Variants in IGSF3 observed in about 807,000 individuals in gnomAD.
IGSF3 encodes immunoglobulin superfamily member 3.
A neutral mutation model predicts 114.4 loss-of-function variants in IGSF3; 23 were observed. The observed-to-expected ratio is 0.20, with a 90% CI of 0.14 to 0.28. The LOEUF (loss-of-function observed/expected upper bound fraction) is 0.28, where lower values mean the gene tolerates loss of function less well. IGSF3 is among the 10% of genes least tolerant of loss of function. The pLI, the probability that IGSF3 is intolerant of heterozygous loss-of-function variation, is 1.00. For missense variants in IGSF3, 1,172 were observed against 1,591.5 expected, an observed-to-expected ratio of 0.74 and a Z score of 4.48; for synonymous variants, 571 against 645.2, an observed-to-expected ratio of 0.88 and a Z score of 1.74.
intron 9 of IGSF3, among the ~76,000 whole-genome samples, chr1:116,580,988 T>C (rs763884554): frequency 1.3e-5 from 2 of 152,246 alleles, no homozygotes; most frequent in Non-Finnish European, 2.9e-5. Flanking sequence ...TAAATTTCTT[T>C]TGTTTTAAAC....
chr1:116,644,444 TC>T lies in IGSF3; in HGVS notation c.43+21839del, dbSNP rs1367937405. Among the ~76,000 whole-genome samples, 1 of 152,164 alleles carries T rather than the reference TC, an allele frequency of 6.6e-6. No homozygotes were observed. The highest frequency in any genetic ancestry group is 1.5e-5 in the Non-Finnish European group (1 of 68,030). On this transcript the variant is annotated intron_variant, in intron 2 of 10. Transcript: ENST00000369486. The surrounding 1 kb of genome is among the most constrained non-coding windows in gnomAD (Gnocchi z 5.6). Reference sequence around the variant, plus strand: ...CAGCCGTGATGATGCTGAGGCAGTGTCCCCACTGCCCCAGTGGCTTCTGCAT... The same window carrying T: ...CAGCCGTGATGATGCTGAGGCAGTGTCCCACTGCCCCAGTGGCTTCTGCAT...
Position 116,644,445 on chromosome 1 carries a change from C to A in IGSF3, c.43+21839G>T, listed in dbSNP as rs1245919240. Among the ~76,000 whole-genome samples, 2 of 152,202 alleles carry A rather than the reference C, an allele frequency of 1.3e-5. No individual in the cohort carries two copies. The stretch of plus-strand genomic sequence containing the variant: ...AGCCGTGATGATGCTGAGGCAGTGT[C>A]CCCACTGCCCCAGTGGCTTCTGCAT... On this transcript the variant is annotated intron_variant, in intron 2 of 10. Transcript: ENST00000369486. The surrounding 1 kb of genome is among the most constrained non-coding windows in gnomAD (Gnocchi z 5.6).
At position 116,589,664 on chromosome 1, in the gene IGSF3, T is replaced by C. The variant is rs1660010367; in HGVS notation, c.2030-560A>G. On this transcript the variant is annotated intron_variant, in intron 7 of 10. Transcript: ENST00000369486. This position sits in a 1 kb window ranked among gnomAD's most constrained non-coding sequence, Gnocchi z 5.7. ...CCTGACCCTTCTCTCCACTTATCCCTCATTCCCGTCCCCCTGGGCTCCATA... is the reference window on the plus strand; with the variant it reads ...CCTGACCCTTCTCTCCACTTATCCCCCATTCCCGTCCCCCTGGGCTCCATA... Among the ~76,000 whole-genome samples, 1 of 152,056 alleles carries C rather than the reference T, an allele frequency of 6.6e-6. No homozygotes were observed. The highest frequency in any genetic ancestry group is 2.4e-5 in the African/African-American group (1 of 41,410).
Position 116,624,527 on chromosome 1 carries a change from A to T in IGSF3, c.44-8070T>A, listed in dbSNP as rs1220393855. ...CACTAGTTGCAGTAGTAGCAATAGTAGTGATATTAACTCTAGCTGTGGAAC... is the reference window on the plus strand; with the variant it reads ...CACTAGTTGCAGTAGTAGCAATAGTTGTGATATTAACTCTAGCTGTGGAAC... On this transcript the variant is annotated intron_variant, in intron 2 of 10. Coordinates refer to ENST00000369486, the MANE Select transcript of IGSF3 (RefSeq NM_001007237.3). The surrounding 1 kb of genome is among the most constrained non-coding windows in gnomAD (Gnocchi z 4.9). Among the ~76,000 whole-genome samples, 1 of 152,240 alleles carries T rather than the reference A, an allele frequency of 6.6e-6. No homozygotes were observed. The highest frequency in any genetic ancestry group is 2.4e-5 in the African/African-American group (1 of 41,464).
rs1211740702 is a variant in IGSF3 at position 116,661,590 on chromosome 1, CG to C, written c.43+4693del. On this transcript the variant is annotated intron_variant, in intron 2 of 10. Transcript: ENST00000369486. The surrounding 1 kb of genome is among the most constrained non-coding windows in gnomAD (Gnocchi z 4.0). The stretch of plus-strand genomic sequence containing the variant: ...CAAGCCTTCTTAGAAGCCAGAGGCT[CG>C]GCTTCAGAGTCAAACGGAATAGCTT... Among the ~76,000 whole-genome samples the C allele has an allele frequency of 1.3e-5, 2 of 152,160 alleles. No individual in the cohort carries two copies. The highest frequency in any genetic ancestry group is 2.9e-5 in the Non-Finnish European group (2 of 68,030).
rs1278785892 is a variant in IGSF3 at position 116,638,402 on chromosome 1, G to T, written c.44-21945C>A. Among the ~76,000 whole-genome samples, 1 of 152,122 alleles carries T rather than the reference G, an allele frequency of 6.6e-6. No individual in the cohort carries two copies. Among genetic ancestry groups the T allele is most frequent in the East Asian group, 1.9e-4 (1 of 5,192 alleles). ...CACTCAGTAAACTACTGCCATACAGGTCTCCCACAGCAGTTTCTCACCAGA... is the reference window on the plus strand; with the variant it reads ...CACTCAGTAAACTACTGCCATACAGTTCTCCCACAGCAGTTTCTCACCAGA... On this transcript the variant is annotated intron_variant, in intron 2 of 10. Coordinates refer to ENST00000369486, the MANE Select transcript of IGSF3 (RefSeq NM_001007237.3). This position sits in a 1 kb window ranked among gnomAD's most constrained non-coding sequence, Gnocchi z 4.1.
At chr1:116,631,146 G>A (rs1376657544) in intron 2 of IGSF3, among the ~76,000 whole-genome samples, 5 of 151,688 alleles carry the variant, frequency 3.3e-5, no homozygotes, top group South Asian at 2.1e-4. Context: ...GTGAAACCCC[G>A]TCTCTACTAA....
At chr1:116,663,442 G>T (rs1649194466) in intron 2 of IGSF3, among the ~76,000 whole-genome samples, 1 of 150,994 alleles carries the variant, frequency 6.6e-6, no homozygotes, top group African/African-American at 2.4e-5. Flanking sequence ...TACCCTCATG[G>T]TTCAACCAGA....
In IGSF3 at chr1:116,608,035, G is replaced by C. The variant is rs751034471; in HGVS notation, c.1129C>G (p.Arg377Gly). The C allele has an allele frequency of 6.2e-7, 1 of 1,613,650 alleles. No homozygotes were observed. The highest frequency in any genetic ancestry group is 8.5e-7 in the Non-Finnish European group (1 of 1,179,736). The change falls in exon 5 of 11, where the codon CGG becomes GGG. Residue 377 changes from arginine (R) to glycine (G), a missense_variant. This residue lies in a region of IGSF3 where 736 missense variants were observed against 1,042.0 expected (regional missense o/e 0.71). Transcript: ENST00000369486. ...RQEDSGKYNC[R>G]VTEREKTVTG... ...ACGGTTTTCTCTCGCTCAGTCACCC[G>C]GCAGTTGTATTTCCCGCTATCTTCC...
chr1:116,646,821 T>A (rs1648397826), intron 2 of IGSF3: 2 of 152,296 alleles, frequency 1.3e-5, no homozygotes, highest in Admixed American at 1.3e-4. Context: ...CTAATGCAGA[T>A]GTCTCCCCAA....
At position 116,666,486 on chromosome 1, in the gene IGSF3, G is replaced by A. The variant is rs2101096340; in HGVS notation, c.-160C>T. ...ATTAAAAAGAAGAGATCAGAAGGAG[G>A]GAGTTGGGGGGAAGGGGAGGAGTGG... On this transcript the variant is annotated 5_prime_UTR_variant, in exon 2 of 11. Transcript: ENST00000369486. 1.5e-6 allele frequency: 1 copy of A among 689,528 alleles called. No individual in the cohort carries two copies. The highest frequency in any genetic ancestry group is 2.7e-5 in the East Asian group (1 of 37,496). 42.7% of individuals were successfully genotyped at this position (689,528 alleles called of 1,614,324 possible).
chr1:116,618,123 G>A lies in IGSF3; in HGVS notation c.44-1666C>T, dbSNP rs1395475268. 2.6e-5 allele frequency among the ~76,000 whole-genome samples: 4 copies of A among 152,216 alleles called. No homozygotes were observed. Among genetic ancestry groups the A allele is most frequent in the Non-Finnish European group, 5.9e-5 (4 of 68,042 alleles). On this transcript the variant is annotated intron_variant, in intron 2 of 10. Transcript: ENST00000369486. The surrounding 1 kb of genome is among the most constrained non-coding windows in gnomAD (Gnocchi z 4.7). ...AGACCTCAAAAACGGCCCATACAATGAAATGCCCATGGCTTGCAAAACTTT... is the reference window on the plus strand; with the variant it reads ...AGACCTCAAAAACGGCCCATACAATAAAATGCCCATGGCTTGCAAAACTTT...
At chr1:116,630,531 T>C (rs974229211) in intron 2 of IGSF3, among the ~76,000 whole-genome samples, 7 of 152,212 alleles carry the variant, frequency 4.6e-5, no homozygotes, top group African/African-American at 1.7e-4. Flanking sequence ...GTCAGTGGGA[T>C]ACAGAGTTGG....
chr1:116,584,707 C>A lies in IGSF3; in HGVS notation c.2786G>T (p.Gly929Val), dbSNP rs567583468. 6.2e-7 allele frequency: 1 copy of A among 1,613,714 alleles called. No individual in the cohort carries two copies. Among genetic ancestry groups the A allele is most frequent in the East Asian group, 2.2e-5 (1 of 44,862 alleles). Reference protein sequence around the residue: ...HVEEWLPSPSGMWYKRAEDTA... With the variant: ...HVEEWLPSPSVMWYKRAEDTA... Reference sequence around the variant, plus strand: ...GTCCTCTGCCCGCTTATACCACATGCCACTGGGGCTGGGCAGCCACTCCTC... The same window carrying A: ...GTCCTCTGCCCGCTTATACCACATGACACTGGGGCTGGGCAGCCACTCCTC... The change falls in exon 9 of 11, where the codon GGC becomes GTC. Residue 929 changes from glycine to valine, a missense_variant. Physicochemically the swap from Gly to Val is moderately radical, Grantham distance 109. This residue lies in a region of IGSF3 where 423 missense variants were observed against 509.8 expected (regional missense o/e 0.83). Coordinates refer to ENST00000369486, the MANE Select transcript of IGSF3 (RefSeq NM_001007237.3). The surrounding 1 kb of genome is among the most constrained non-coding windows in gnomAD (Gnocchi z 5.8).
At chr1:116,587,910 C>G (rs1188308108) in intron 8 of IGSF3, among the ~76,000 whole-genome samples, 3 of 152,122 alleles carry the variant, frequency 2.0e-5, no homozygotes, top group Non-Finnish European at 4.4e-5. Context: ...GTGGAGAGGC[C>G]CTTCAGGCTA....
chr1:116,606,798 C>T (rs1269454287), intron 5 of IGSF3, among the ~76,000 whole-genome samples: 2 of 152,190 alleles, frequency 1.3e-5, no homozygotes, highest in Admixed American at 1.3e-4. Context: ...CAGTATTCAG[C>T]GAGCACCTAC....
chr1:116,626,767 T>C (rs555779141), intron 2 of IGSF3, among the ~76,000 whole-genome samples: 16 of 152,168 alleles, frequency 1.1e-4, no homozygotes, highest in Middle Eastern at 3.4e-3. Flanking sequence ...CCAGAAAAGG[T>C]AGGGATAGCA....
At chr1:116,599,389 T>C (rs867466671) in intron 7 of IGSF3, among the ~76,000 whole-genome samples, 1 of 120,518 alleles carries the variant, frequency 8.3e-6, no homozygotes, top group African/African-American at 4.1e-5. Flanking sequence ...GACACATACA[T>C]ATACACACAC....
rs1311485397 is a variant in IGSF3 at position 116,594,817 on chromosome 1, ATATT to A, written c.2029+5120_2029+5123del. ...CATGCTGCTCCCACCCTCCGTGACT[ATATT>A]TATTCACACTCTTCTCTGAGCCTGA... On this transcript the variant is annotated intron_variant, in intron 7 of 10. Transcript: ENST00000369486. The surrounding 1 kb of genome is among the most constrained non-coding windows in gnomAD (Gnocchi z 5.2). 6.6e-6 allele frequency among the ~76,000 whole-genome samples: 1 copy of A among 151,716 alleles called. No individual in the cohort carries two copies. The highest frequency in any genetic ancestry group is 1.5e-5 in the Non-Finnish European group (1 of 67,950).
Sources: allele counts gnomAD v4.1 joint callset (sites outside exome capture counted in the v4.1 genomes callset), GRCh38; gene constraint gnomAD v4.1.1; regional missense constraint gnomAD v4.1.1; non-coding constraint Gnocchi (gnomAD v3.1); transcripts MANE v1.5; gene names NCBI Gene and HGNC (gene_info 2026-07-23, HGNC 2026-07-21).